Variants in CROCC observed in about 807,000 individuals in gnomAD.
CROCC encodes ciliary rootlet coiled-coil, rootletin, also known as rootletin.
CROCC carries 180 observed loss-of-function variants against 245.2 expected under a neutral mutation model. The ratio of observed to expected loss-of-function variants is 0.73; its 90% CI spans 0.65 to 0.83. CROCC has a LOEUF of 0.83. Among genes scored for constraint, CROCC ranks in the 40% least tolerant of loss-of-function variants. The pLI is 0.00. For synonymous variants in CROCC, 1,205 were observed against 1,241.6 expected (o/e 0.97, Z 0.62); for missense variants, 2,688 against 2,779.4 (o/e 0.97, Z 0.74).
intron 8 of CROCC, among the ~76,000 whole-genome samples, chr1:16,936,095 G>A (rs1332822849): frequency 3.9e-5 from 6 of 152,114 alleles, no homozygotes; most frequent in Admixed American, 1.3e-4. Context: ...TGGACAAATG[G>A]CATCCCAGTG....
At chr1:16,944,745 G>C (rs1376949624) in intron 14 of CROCC, among the ~76,000 whole-genome samples, 2 of 152,358 alleles carry the variant, frequency 1.3e-5, no homozygotes, top group African/African-American at 4.8e-5. Flanking sequence ...AGGTCACACA[G>C]TTAGCAGAAG....
chr1:16,968,400 G>A lies in CROCC; in HGVS notation c.5058G>A (p.Val1686=), dbSNP rs2076455966. ...AAGCCCAGGCCCTCCAGGATCGGGTGGATTCCCTGCAGAGACAGGTGGGCC... is the reference window on the plus strand; with the variant it reads ...AAGCCCAGGCCCTCCAGGATCGGGTAGATTCCCTGCAGAGACAGGTGGGCC... The part of the protein sequence containing the change: ...EAQAQALQDR[V]DSLQRQVADS... Residue 1686 remains valine, a synonymous_variant, in exon 31 of 37, where the codon GTG becomes GTA. Transcript: ENST00000375541. 3 of 1,493,966 alleles carry A rather than the reference G, an allele frequency of 2.0e-6. No homozygotes were observed. The African/African-American group carries it at 4.2e-5, about 21-fold the overall frequency. The allele number at this position is 1,493,966 out of a possible 1,614,324, so 92.5% of individuals were successfully genotyped here.
chr1:16,969,002 A>G (rs756111411), intron 31 of CROCC, 114 bp from the exon 32 acceptor site: 16 of 1,017,724 alleles, frequency 1.6e-5, no homozygotes, highest in Non-Finnish European at 2.4e-5. Context: ...ATGGAGGCCC[A>G]GAGAGAAGTG....
At position 16,955,550 on chromosome 1, in the gene CROCC, G is replaced by A. The variant is rs762109248; in HGVS notation, c.3704G>A (p.Ser1235Asn). The A allele has an allele frequency of 6.5e-7, 1 of 1,526,812 alleles. No homozygotes were observed. The highest frequency in any genetic ancestry group is 8.8e-7 in the Non-Finnish European group (1 of 1,141,872). The allele number at this position is 1,526,812 out of a possible 1,614,324, so 94.6% of individuals were successfully genotyped here. ...AAGAAGGCAGAGAGCGAGCGCATCA[G>A]GTGGGGTGTCGCAGGAGGACCAGTC... ...AVKKAESERI[S>N]LKLANEDKEQ... The change falls in exon 24 of 37, where the codon AGC (serine) becomes AAC (asparagine). Residue 1235 changes from serine to asparagine, a missense_variant and splice_region_variant. Transcript: ENST00000375541.
At chr1:16,965,933 G>A (rs1269190022) in intron 28 of CROCC, 41 bp downstream of exon 28, 1 of 1,604,310 alleles carries the variant, frequency 6.2e-7, no homozygotes, top group Admixed American at 1.7e-5. Context: ...AACCTGGAGG[G>A]CCCTGGGGAG....
At chr1:16,947,818 T>C (rs1207105297) in intron 17 of CROCC, among the ~76,000 whole-genome samples, 1 of 152,232 alleles carries the variant, frequency 6.6e-6, no homozygotes, top group African/African-American at 2.4e-5. Flanking sequence ...TCATTTTTTT[T>C]GTTTCATTTT....
At chr1:16,944,640 T>G (rs1234951771) in intron 14 of CROCC, among the ~76,000 whole-genome samples, 1 of 152,302 alleles carries the variant, frequency 6.6e-6, no homozygotes, top group East Asian at 1.9e-4. Flanking sequence ...TTCAGTTCTC[T>G]CATTTAACTC....
At chr1:16,934,356 G>A (rs2075743781) in intron 8 of CROCC, among the ~76,000 whole-genome samples, 1 of 152,178 alleles carries the variant, frequency 6.6e-6, no homozygotes, top group South Asian at 2.1e-4. Context: ...CTGGAGTGCA[G>A]TGGCACAATC....
At chr1:16,969,087 C>T (rs1166611186) in intron 31 of CROCC, 29 bp from the exon 32 acceptor site, 2 of 1,571,552 alleles carry the variant, frequency 1.3e-6, no homozygotes, top group Non-Finnish European at 1.7e-6. Context: ...TGGGAACAGC[C>T]CCGATTGTTC....
In CROCC at chr1:16,969,780, C is replaced by G; in HGVS notation, c.5302-5C>G. 1 of 1,611,784 alleles carries G rather than the reference C, an allele frequency of 6.2e-7. No individual in the cohort carries two copies. The highest frequency in any genetic ancestry group is 8.5e-7 in the Non-Finnish European group (1 of 1,179,078). On this transcript the variant is annotated splice_polypyrimidine_tract_variant and splice_region_variant and intron_variant, in intron 32 of 36. Coordinates refer to ENST00000375541, the MANE Select transcript of CROCC (RefSeq NM_014675.5). ...AGCCAGGCACCATCAGCCCCTGTCC[C>G]CCAGGAACGGCTGGATGCCGCCCGG...
chr1:16,972,342 C>T lies in CROCC; in HGVS notation c.5968-18C>T. 1 of 1,611,624 alleles carries T rather than the reference C, an allele frequency of 6.2e-7. No homozygotes were observed. Among genetic ancestry groups the T allele is most frequent in the Admixed American group, 1.7e-5 (1 of 59,952 alleles). ...AGGCTGAGGACCTGGCTGGCCTTAC[C>T]TTCCCTTTCTTCCCCAGGTGTCCAC... On this transcript the variant is annotated intron_variant, in intron 36 of 36. Coordinates refer to ENST00000375541, the MANE Select transcript of CROCC (RefSeq NM_014675.5).
rs1363973661 is a variant in CROCC at position 16,957,421 on chromosome 1, A to C, written c.3865-1162A>C. 2.0e-5 allele frequency among the ~76,000 whole-genome samples: 3 copies of C among 152,106 alleles called. No individual in the cohort carries two copies. The East Asian group carries it at 5.8e-4, about 29-fold the overall frequency. On this transcript the variant is annotated intron_variant, in intron 25 of 36. Transcript: ENST00000375541. ...GACCCTGACTCTAAAAAAAGTTTTTAAACTTTTAATTTTTATTTTATTTAT... is the reference window on the plus strand; with the variant it reads ...GACCCTGACTCTAAAAAAAGTTTTTCAACTTTTAATTTTTATTTTATTTAT...
Position 16,965,810 on chromosome 1 carries a change from C to G in CROCC, c.4493C>G (p.Ala1498Gly). The G allele has an allele frequency of 6.2e-7, 1 of 1,613,814 alleles. No homozygotes were observed. Among genetic ancestry groups the G allele is most frequent in the Non-Finnish European group, 8.5e-7 (1 of 1,180,042 alleles). Reference sequence around the variant, plus strand: ...TCTCCAGGACCTGCCACCTCCCCAGCCTCTCCAGACCTGGACCCGGAGGCA... The same window carrying G: ...TCTCCAGGACCTGCCACCTCCCCAGGCTCTCCAGACCTGGACCCGGAGGCA... ...PPSPGPATSP[A>G]SPDLDPEAVR... The change falls in exon 28 of 37, where the codon GCC (alanine) becomes GGC (glycine). Residue 1498 changes from alanine to glycine, a missense_variant. Ala to Gly is a moderately conservative substitution (Grantham distance 60). Transcript: ENST00000375541.
At chr1:16,921,827 TC>T (rs1313714656), upstream of CROCC, 1 of 607,966 alleles carries the variant, frequency 1.6e-6, no homozygotes, top group Non-Finnish European at 2.9e-6. Flanking sequence ...TCCTCTCCTG[TC>T]CTTTCCCATC....
chr1:16,943,704 C>T (rs530038069), intron 13 of CROCC, among the ~76,000 whole-genome samples: 2 of 152,406 alleles, frequency 1.3e-5, no homozygotes, highest in South Asian at 4.1e-4. Context: ...GTGGGATCTG[C>T]AGACTCAGCT....
chr1:16,944,975 G>A (rs911915066), intron 14 of CROCC, among the ~76,000 whole-genome samples: 1 of 152,292 alleles, frequency 6.6e-6, no homozygotes, highest in East Asian at 1.9e-4. Context: ...GCTCACGCCT[G>A]TAATCCCAGC....
intron 8 of CROCC, among the ~76,000 whole-genome samples, chr1:16,936,421 C>T (rs78709923): frequency 1.4e-3 from 219 of 152,258 alleles, no homozygotes; most frequent in African/African-American, 4.4e-3. Context: ...AAGTGCGCCA[C>T]CATGCCTGGC....
rs764942062 is a variant in CROCC at position 16,946,857 on chromosome 1, C to T, written c.2380C>T (p.Arg794Trp). Reference sequence around the variant, plus strand: ...AGAGCAGGAACGGCTAGAGGAGCTGCGGTTGGAGCAGGAGGTGGCGCGGCA... The same window carrying T: ...AGAGCAGGAACGGCTAGAGGAGCTGTGGTTGGAGCAGGAGGTGGCGCGGCA... ...REEQERLEEL[R>W]LEQEVARQGL... The change falls in exon 17 of 37, where the codon CGG becomes TGG. Residue 794 changes from arginine to tryptophan, a missense_variant. Around this residue, in one of 9 missense-constraint regions of CROCC, gnomAD observed 295 missense variants for 241.7 expected, o/e 1.22. Transcript: ENST00000375541. The T allele has an allele frequency of 2.8e-5, 43 of 1,555,822 alleles. No homozygotes were observed. Among genetic ancestry groups the T allele is most frequent in the African/African-American group, 4.1e-5 (3 of 73,422 alleles).
chr1:16,924,898 C>T (rs1386072337), intron 3 of CROCC, among the ~76,000 whole-genome samples: 1 of 152,250 alleles, frequency 6.6e-6, no homozygotes, highest in Non-Finnish European at 1.5e-5. Context: ...CTGGTGTGGG[C>T]ACCCGCGGTG....
Sources: allele counts gnomAD v4.1 joint callset (sites outside exome capture counted in the v4.1 genomes callset), GRCh38; gene constraint gnomAD v4.1.1; regional missense constraint gnomAD v4.1.1; transcripts MANE v1.5; gene names NCBI Gene and HGNC (gene_info 2026-07-23, HGNC 2026-07-21).